The following DNAAF9 variants were observed in gnomAD, a reference collection of about 807,000 sequenced individuals.
DNAAF9 encodes dynein axonemal assembly factor 9.
In DNAAF9, 90 loss-of-function variants were observed where a neutral mutation model predicts 167.0. The ratio of observed to expected loss-of-function variants is 0.54; its 90% confidence interval spans 0.45 to 0.64. The LOEUF (loss-of-function observed/expected upper bound fraction) is 0.64, where lower values mean the gene tolerates loss of function less well. DNAAF9 is among the 30% of genes least tolerant of loss of function. The pLI, the probability that DNAAF9 is intolerant of heterozygous loss-of-function variation, is 0.00. For missense variants in DNAAF9, 1,315 were observed against 1,442.2 expected (o/e 0.91, Z 1.43); for synonymous variants, 491 against 508.8 (o/e 0.96, Z 0.47).
rs2123033971 is a variant in DNAAF9 at position 3,316,812 on chromosome 20, C to T, written c.1469-19G>A. Reference sequence around the variant, plus strand: ...GTGCCATCTGCAGGAACACCACACACATGCCAGTTAATTCCCTACCAGCTC... The same window carrying T: ...GTGCCATCTGCAGGAACACCACACATATGCCAGTTAATTCCCTACCAGCTC... On this transcript the variant is annotated intron_variant, in intron 17 of 36. Coordinates refer to ENST00000252032, the MANE Select transcript of DNAAF9 (RefSeq NM_001009984.3). 3 of 1,601,412 alleles carry T rather than the reference C, an allele frequency of 1.9e-6. No individual in the cohort carries two copies. The highest frequency in any genetic ancestry group is 2.6e-6 in the Non-Finnish European group (3 of 1,169,402).
At position 3,316,795 on chromosome 20, in the gene DNAAF9, T is replaced by C; in HGVS notation, c.1469-2A>G. On this transcript the variant is annotated splice_acceptor_variant, in intron 17 of 36. Transcript: ENST00000252032. LOFTEE classifies it high-confidence loss of function. The stretch of plus-strand genomic sequence containing the variant: ...TGGTTTCTGTGGTAACAGTGCCATC[T>C]GCAGGAACACCACACACATGCCAGT... The C allele has an allele frequency of 6.2e-7, 1 of 1,612,038 alleles. No individual in the cohort carries two copies. The highest frequency in any genetic ancestry group is 8.5e-7 in the Non-Finnish European group (1 of 1,178,306).
chr20:3,289,810 C>T (rs559434259), intron 26 of DNAAF9, among the ~76,000 whole-genome samples: 8 of 152,302 alleles, frequency 5.3e-5, no homozygotes, highest in African/African-American at 7.2e-5. Context: ...CTGCACCTGG[C>T]CCCTTCTCTG....
At chr20:3,317,479 A>G (rs1417986318) in intron 17 of DNAAF9, among the ~76,000 whole-genome samples, 5 of 152,122 alleles carry the variant, frequency 3.3e-5, no homozygotes, top group African/African-American at 1.2e-4. Context: ...TTAAAGATCA[A>G]AGAGAATTAT....
intron 3 of DNAAF9, among the ~76,000 whole-genome samples, chr20:3,376,793 G>A (rs6084357): frequency 0.42 from 63,537 of 152,078 alleles, 13,344 homozygotes; most frequent in Middle Eastern, 0.57. Flanking sequence ...GGCTGGGCAC[G>A]GTGGCTCACG....
chr20:3,386,528 G>A (rs544841858), intron 1 of DNAAF9, among the ~76,000 whole-genome samples: 1 of 152,214 alleles, frequency 6.6e-6, no homozygotes, highest in East Asian at 1.9e-4. Flanking sequence ...GAAAACAGAA[G>A]AAAATATTCT....
At chr20:3,331,316 C>A (rs1336294779) in intron 11 of DNAAF9, among the ~76,000 whole-genome samples, 1 of 152,166 alleles carries the variant, frequency 6.6e-6, no homozygotes, top group African/African-American at 2.4e-5. Context: ...AGTTCTACCT[C>A]TTGCTTTATC....
chr20:3,381,299 TAAG>T lies in DNAAF9; in HGVS notation c.283+77_283+79del, dbSNP rs1200378917. 5.0e-6 allele frequency: 6 copies of T among 1,200,116 alleles called. No individual in the cohort carries two copies. In the South Asian group the frequency reaches 8.5e-5, roughly 17 times the overall value. 74.3% of individuals were successfully genotyped at this position (1,200,116 alleles called of 1,614,324 possible). On this transcript the variant is annotated intron_variant, in intron 3 of 36. Coordinates refer to ENST00000252032, the MANE Select transcript of DNAAF9 (RefSeq NM_001009984.3). Reference sequence around the variant, plus strand: ...TTGGACTATTTTAAATTTTATTCCATAAGAAGACCATAAAATAAGGATCCAAAT... The same window carrying T: ...TTGGACTATTTTAAATTTTATTCCATAAGACCATAAAATAAGGATCCAAAT...
chr20:3,376,315 C>CAA lies in DNAAF9; in HGVS notation c.284-15_284-14dup, dbSNP rs1298439129. 1 of 1,588,866 alleles carries CAA rather than the reference C, an allele frequency of 6.3e-7. No homozygotes were observed. The highest frequency in any genetic ancestry group is 8.6e-7 in the Non-Finnish European group (1 of 1,168,012). On this transcript the variant is annotated splice_polypyrimidine_tract_variant and intron_variant, in intron 3 of 36. Coordinates refer to ENST00000252032, the MANE Select transcript of DNAAF9 (RefSeq NM_001009984.3). ...AATATAATTACATCTGTAAGAAAAA[C>CAA]AAAATCAAAACACAAGACTGTCAAA...
intron 6 of DNAAF9, among the ~76,000 whole-genome samples, chr20:3,368,347 G>C (rs2083457923): frequency 6.6e-6 from 1 of 152,108 alleles, no homozygotes; most frequent in Non-Finnish European, 1.5e-5. Flanking sequence ...GTCTCTCAGG[G>C]AATCAGGATT....
At chr20:3,260,103 G>A (rs1247382860) in intron 31 of DNAAF9, 75 bp from the exon 32 acceptor site, 1 of 758,022 alleles carries the variant, frequency 1.3e-6, no homozygotes, top group Admixed American at 2.1e-5. Flanking sequence ...ACTCTGGGAG[G>A]CCGAGGCGGG....
intron 8 of DNAAF9, among the ~76,000 whole-genome samples, chr20:3,345,094 C>T (rs1456371630): frequency 6.6e-6 from 1 of 152,144 alleles, no homozygotes; most frequent in Non-Finnish European, 1.5e-5. Flanking sequence ...TTTCAGCTTA[C>T]TGCAACTTTC....
At chr20:3,282,041 C>A (rs1938290542) in intron 27 of DNAAF9, among the ~76,000 whole-genome samples, 1 of 152,196 alleles carries the variant, frequency 6.6e-6, no homozygotes, top group Non-Finnish European at 1.5e-5. Context: ...GCAGGCGATC[C>A]TGGAGCTCTG....
chr20:3,351,345 A>G (rs1028528260), intron 7 of DNAAF9, among the ~76,000 whole-genome samples: 1 of 152,166 alleles, frequency 6.6e-6, no homozygotes, highest in Non-Finnish European at 1.5e-5. Context: ...TTAGCCAGCC[A>G]TAGTGGCATG....
intron 20 of DNAAF9, among the ~76,000 whole-genome samples, chr20:3,308,341 C>CTTTTTT (rs35610785): frequency 1.3e-4 from 14 of 105,428 alleles, no homozygotes; most frequent in East Asian, 2.7e-4. Flanking sequence ...CAAAACTTTA[C>CTTTTTT]TTTTTTTTTT....
At chr20:3,267,634 A>C (rs974107434) in intron 30 of DNAAF9, among the ~76,000 whole-genome samples, 1 of 152,154 alleles carries the variant, frequency 6.6e-6, no homozygotes, top group South Asian at 2.1e-4. Flanking sequence ...CAGGAGTTCA[A>C]CACCAGCCTG....
chr20:3,253,847 T>C, intron 35 of DNAAF9, 28 bp from the exon 36 acceptor site: 2 of 1,201,864 alleles, frequency 1.7e-6, no homozygotes, highest in Non-Finnish European at 1.2e-6. Context: ...CCTGTAATAA[T>C]TATCTGACTA....
chr20:3,404,967 T>C (rs2084036302), intron 1 of DNAAF9, among the ~76,000 whole-genome samples: 1 of 152,200 alleles, frequency 6.6e-6, no homozygotes. Flanking sequence ...CCTTGACTGA[T>C]GGGTGGCTGC....
In DNAAF9 at chr20:3,345,051, T is replaced by C. The variant is rs140699010; in HGVS notation, c.790-1320A>G. 8.7e-3 allele frequency among the ~76,000 whole-genome samples: 1,327 copies of C among 152,288 alleles called. 7 individuals are homozygous for C. The highest frequency in any genetic ancestry group is 0.014 in the Middle Eastern group (4 of 294). On this transcript the variant is annotated intron_variant, in intron 8 of 36. Transcript: ENST00000252032. ...TTTATTTATTGAGGCAGAGTTTTGC[T>C]CTTGTTGCCCAGGCTGGAGTGCAGT...
At position 3,385,196 on chromosome 20, in the gene DNAAF9, A is replaced by G. The variant is rs1449866971; in HGVS notation, c.84-2690T>C. Among the ~76,000 whole-genome samples, 3 of 151,800 alleles carry G rather than the reference A, an allele frequency of 2.0e-5. No individual in the cohort carries two copies. In the East Asian group the frequency reaches 5.8e-4, roughly 29 times the overall value. ...TCTACTCTCATTATTCCTATTTAAC[A>G]TAATACCGGAAGTTCTAGCCAACAG... On this transcript the variant is annotated intron_variant, in intron 1 of 36. Coordinates refer to ENST00000252032, the MANE Select transcript of DNAAF9 (RefSeq NM_001009984.3).
Sources: allele counts gnomAD v4.1 joint callset (sites outside exome capture counted in the v4.1 genomes callset), GRCh38; gene constraint gnomAD v4.1.1; transcripts MANE v1.5; gene names NCBI Gene and HGNC (gene_info 2026-07-23, HGNC 2026-07-21).